The following DIDO1 variants were observed in gnomAD, a reference collection of about 807,000 sequenced individuals.
DIDO1 encodes death inducer-obliterator 1, also known as death-inducer obliterator 1.
DIDO1 carries 16 observed loss-of-function variants against 99.4 expected under a neutral mutation model. The observed-to-expected ratio is 0.16, with a 90% CI of 0.11 to 0.24. The LOEUF is 0.24. Ranked by LOEUF, DIDO1 falls within the 10% of genes least tolerant of loss-of-function variation. The probability of loss-of-function intolerance (pLI) is 1.00; values close to 1 mark genes in which losing one functional copy is unlikely to be tolerated. For synonymous variants in DIDO1, 1,366 were observed against 1,239.1 expected (o/e 1.10, Z -2.15); for missense variants, 2,996 against 3,014.0 (o/e 0.99, Z 0.14).
At position 62,879,250 on chromosome 20, in the gene DIDO1, T is replaced by C; in HGVS notation, c.6706A>G (p.Thr2236Ala). The change falls in exon 16 of 16, where the codon ACC becomes GCC. Residue 2236 changes from threonine (T) to alanine (A), a missense_variant. Physicochemically the swap from Thr to Ala is moderately conservative, Grantham distance 58. Coordinates refer to ENST00000395343, the MANE Select transcript of DIDO1 (RefSeq NM_001193369.2). The surrounding 1 kb of genome is among the most constrained non-coding windows in gnomAD (Gnocchi z 6.3). Reference sequence around the variant, plus strand: ...CGGGGCGTCTAGGCCTGCGAGGCGGTGCCAGCGTCGGAGGCCCTCGAGGCC... The same window carrying C: ...CGGGGCGTCTAGGCCTGCGAGGCGGCGCCAGCGTCGGAGGCCCTCGAGGCC... ...PEASRASDAG[T>A]ASQA 1 of 1,537,836 alleles carries C rather than the reference T, an allele frequency of 6.5e-7. No homozygotes were observed. The highest frequency in any genetic ancestry group is 8.7e-7 in the Non-Finnish European group (1 of 1,147,068).
At chr20:62,890,900 G>A (rs1342371893) in intron 15 of DIDO1, 60 bp downstream of exon 15, 1 of 1,611,974 alleles carries the variant, frequency 6.2e-7, no homozygotes, top group African/African-American at 1.3e-5. Context: ...GGGCATGTCA[G>A]TGGGAGGAGG....
intron 1 of DIDO1, among the ~76,000 whole-genome samples, chr20:62,937,580 C>CG (rs1266041883): frequency 1.3e-5 from 2 of 152,184 alleles, no homozygotes; most frequent in African/African-American, 4.8e-5. Context: ...TCGAGTAAAG[C>CG]GGGGGAACTC....
In DIDO1 at chr20:62,879,826, C is replaced by A. The variant is rs1359457564; in HGVS notation, c.6130G>T (p.Ala2044Ser). Reference protein sequence around the residue: ...PQHRKDRWEEAGPPSALSSSA... With the variant: ...PQHRKDRWEESGPPSALSSSA... Reference sequence around the variant, plus strand: ...GAGGAGAGCGCGGAGGGCGGCCCGGCCTCCTCCCAGCGGTCCTTCCGGTGC... The same window carrying A: ...GAGGAGAGCGCGGAGGGCGGCCCGGACTCCTCCCAGCGGTCCTTCCGGTGC... The change falls in exon 16 of 16, where the codon GCC (alanine) becomes TCC (serine). Residue 2044 changes from alanine (A) to serine (S), a missense_variant. Ala to Ser is a moderately conservative substitution (Grantham distance 99). This residue lies in a region of DIDO1 where 1,562 missense variants were observed against 1,412.6 expected (regional missense o/e 1.11). Transcript: ENST00000395343. This position sits in a 1 kb window ranked among gnomAD's most constrained non-coding sequence, Gnocchi z 6.3. 1 of 1,608,828 alleles carries A rather than the reference C, an allele frequency of 6.2e-7. No homozygotes were observed. Among genetic ancestry groups the A allele is most frequent in the Non-Finnish European group, 8.5e-7 (1 of 1,178,540 alleles).
At chr20:62,910,728 C>G (rs767344413) in intron 3 of DIDO1, 46 bp downstream of exon 3, 19 of 1,568,338 alleles carry the variant, frequency 1.2e-5, no homozygotes, top group Non-Finnish European at 1.6e-5. Flanking sequence ...ATGGAAAATT[C>G]TGTTTGCAAC....
At chr20:62,918,378 C>T (rs1008695080) in intron 1 of DIDO1, among the ~76,000 whole-genome samples, 1 of 152,240 alleles carries the variant, frequency 6.6e-6, no homozygotes, top group Non-Finnish European at 1.5e-5. Context: ...TCAAACGATC[C>T]TTCTGCCTCA....
intron 1 of DIDO1, among the ~76,000 whole-genome samples, chr20:62,923,805 T>C (rs759998308): frequency 5.3e-5 from 8 of 152,348 alleles, no homozygotes; most frequent in Non-Finnish European, 1.0e-4. Flanking sequence ...TATATCAGCA[T>C]ACGCAAAACA....
chr20:62,905,259 T>C lies in DIDO1; in HGVS notation c.1588+628A>G, dbSNP rs938275824. The C allele has an allele frequency of 3.7e-6, 5 of 1,341,132 alleles. No homozygotes were observed. The African/African-American group carries it at 7.4e-5, about 20-fold the overall frequency. 83.1% of individuals were successfully genotyped at this position (1,341,132 alleles called of 1,614,324 possible). On this transcript the variant is annotated intron_variant, in intron 6 of 15. Coordinates refer to ENST00000395343, the MANE Select transcript of DIDO1 (RefSeq NM_001193369.2). ...GTTCTAGGTGTGAACTCACTTACCGTGGGGCCTATGAAGCAGGAGTGTGTG... is the reference window on the plus strand; with the variant it reads ...GTTCTAGGTGTGAACTCACTTACCGCGGGGCCTATGAAGCAGGAGTGTGTG...
intron 1 of DIDO1, among the ~76,000 whole-genome samples, chr20:62,933,138 T>G (rs1336940327): frequency 1.3e-5 from 2 of 152,118 alleles, no homozygotes; most frequent in African/African-American, 2.4e-5. Context: ...CTTAAACCGG[T>G]AGGCGGAGGT....
rs563521269 is a variant in DIDO1, at chr20:62,883,405, G to A, written c.3542-991C>T. ...ATTAAATGAAATGGCTAAAATAAAT[G>A]CTTTGGACTGGGCATGGTGGCTCAC... is the stretch of plus-strand genomic sequence containing the variant. On this transcript the variant is annotated intron_variant, in intron 15 of 15. Transcript: ENST00000395343. Among the ~76,000 whole-genome samples, 14 of 152,238 alleles carry A rather than the reference G, an allele frequency of 9.2e-5. 1 individual carries two copies. In the South Asian group the frequency reaches 2.9e-3, roughly 32 times the overall value.
rs1166225526 is a variant in DIDO1, at chr20:62,882,065, G to C, written c.3891C>G (p.Ser1297=). The part of the protein sequence containing the change: ...ATAATTAAAA[S]TAASSTASSA... ...ACGAAGCGGTGGAGGAAGCTGCCGT[G>C]GAGGCTGCCGCTGCTGTTGTGGCTG... The change falls in exon 16 of 16, where the codon TCC becomes TCG. Residue 1297 remains serine (S), a synonymous_variant. Coordinates refer to ENST00000395343, the MANE Select transcript of DIDO1 (RefSeq NM_001193369.2). The C allele has an allele frequency of 1.2e-6, 2 of 1,613,562 alleles. 1 individual carries two copies. Among genetic ancestry groups the C allele is most frequent in the South Asian group, 2.2e-5 (2 of 91,088 alleles).
At chr20:62,913,863 A>G (rs2064992332) in intron 2 of DIDO1, among the ~76,000 whole-genome samples, 1 of 152,248 alleles carries the variant, frequency 6.6e-6, no homozygotes, top group African/African-American at 2.4e-5. Context: ...AGAACAGGCT[A>G]TTTGCACATG....
chr20:62,887,134 G>T, intron 15 of DIDO1: 1 of 985,524 alleles, frequency 1.0e-6, no homozygotes, highest in South Asian at 4.7e-5. Context: ...CACTGCGCTG[G>T]CTTATGGAAA....
At position 62,911,345 on chromosome 20, in the gene DIDO1, G is replaced by A. The variant is rs2064934710; in HGVS notation, c.268C>T (p.Pro90Ser). 3 of 1,609,264 alleles carry A rather than the reference G, an allele frequency of 1.9e-6. No homozygotes were observed. The highest frequency in any genetic ancestry group is 1.1e-5 in the South Asian group (1 of 91,080). Residue 90 changes from proline to serine, a missense_variant, in exon 3 of 16, where the codon CCT (proline) becomes TCT (serine). By Grantham distance (74) the Pro-to-Ser change is moderately conservative. This residue lies in a region of DIDO1 where 388 missense variants were observed against 376.6 expected (regional missense o/e 1.03). Coordinates refer to ENST00000395343, the MANE Select transcript of DIDO1 (RefSeq NM_001193369.2). This position sits in a 1 kb window ranked among gnomAD's most constrained non-coding sequence, Gnocchi z 7.0. ...IARRRGRRSMPVSLEDSGEPT... is the reference protein window; with the variant it reads ...IARRRGRRSMSVSLEDSGEPT... Reference sequence around the variant, plus strand: ...TCACCAGAATCCTCCAGGGAGACAGGCATGCTCCTCCTGCCGCGGCGCCGC... The same window carrying A: ...TCACCAGAATCCTCCAGGGAGACAGACATGCTCCTCCTGCCGCGGCGCCGC...
chr20:62,897,094 C>T, intron 6 of DIDO1, 98 bp from the exon 7 acceptor site: 4 of 1,104,006 alleles, frequency 3.6e-6, no homozygotes, highest in Non-Finnish European at 5.1e-6. Context: ...TGTAAGTGCC[C>T]ACCTGGCATT....
upstream of DIDO1, among the ~76,000 whole-genome samples, chr20:62,929,859 TAA>T (rs1424909190): frequency 1.3e-5 from 2 of 151,390 alleles, no homozygotes; most frequent in Non-Finnish European, 2.9e-5. Flanking sequence ...TCACCAATGC[TAA>T]AAGGTGTCAC....
intron 6 of DIDO1, among the ~76,000 whole-genome samples, chr20:62,900,742 G>A (rs2064652556): frequency 6.6e-6 from 1 of 152,224 alleles, no homozygotes; most frequent in African/African-American, 2.4e-5. Flanking sequence ...TCGCGGTACT[G>A]CTGGCTGGTT....
chr20:62,896,397 AC>A lies in DIDO1; in HGVS notation c.2055-6del, dbSNP rs767852573. 10 of 1,608,638 alleles carry A rather than the reference AC, an allele frequency of 6.2e-6. No homozygotes were observed. Among genetic ancestry groups the A allele is most frequent in the Non-Finnish European group, 8.5e-6 (10 of 1,178,770 alleles). ...AAGTCATCGCTGTCATTGACTCTGAACAGAATAAAAAAAAGGAACTACATAA... is the reference window on the plus strand; with the variant it reads ...AAGTCATCGCTGTCATTGACTCTGAAAGAATAAAAAAAAGGAACTACATAA... On this transcript the variant is annotated splice_region_variant and splice_polypyrimidine_tract_variant and intron_variant, in intron 7 of 15. Transcript: ENST00000395343. This position sits in a 1 kb window ranked among gnomAD's most constrained non-coding sequence, Gnocchi z 4.4.
chr20:62,909,621 G>C, intron 4 of DIDO1, 78 bp downstream of exon 4: 1 of 1,554,180 alleles, frequency 6.4e-7, no homozygotes, highest in Non-Finnish European at 8.7e-7. Flanking sequence ...CCCGTCCTGG[G>C]AGGAATTTCT....
At chr20:62,936,554 C>CA (rs1177909310) in intron 1 of DIDO1, among the ~76,000 whole-genome samples, 2 of 145,134 alleles carry the variant, frequency 1.4e-5, no homozygotes, top group Non-Finnish European at 3.0e-5. Context: ...GACTCCTTCT[C>CA]AAAAAATAGA....
Sources: gnomAD v4.1 joint callset for allele counts (sites outside exome capture counted in the v4.1 genomes callset) on GRCh38, gnomAD v4.1.1 for gene constraint, gnomAD v4.1.1 regional missense constraint, Gnocchi (gnomAD v3.1) non-coding constraint, MANE v1.5 for transcripts, NCBI Gene and HGNC (gene_info 2026-07-23, HGNC 2026-07-21) for gene names.